PTPN12: variants seen among roughly 807,000 people sequenced by gnomAD.
The protein encoded by PTPN12 is tyrosine-protein phosphatase non-receptor type 12.
In PTPN12, 29 loss-of-function variants were observed where a neutral mutation model predicts 97.6. That is an observed-to-expected ratio of 0.30 (90% CI 0.22 to 0.41). PTPN12 has a LOEUF of 0.41. PTPN12 is among the 10% of genes least tolerant of loss of function. The pLI is 1.00. For missense variants in PTPN12, 819 were observed against 926.0 expected (o/e 0.88, Z 1.50); for synonymous variants, 327 against 300.4 (o/e 1.09, Z -0.91).
intron 1 of PTPN12, among the ~76,000 whole-genome samples, chr7:77,553,874 T>G (rs1158031324): frequency 6.6e-6 from 1 of 151,466 alleles, no homozygotes. Flanking sequence ...TCTTCCACTG[T>G]TTTTCTGCCT....
At position 77,609,896 on chromosome 7, in the gene PTPN12, A is replaced by AC. The variant is rs1466223576; in HGVS notation, c.763-869_763-868insC. Reference sequence around the variant, plus strand: ...ACTCCGTCTCAAAAAAAAAACAACAAAAAAAAAACCCAAAAATCTTATGAT... The same window carrying AC: ...ACTCCGTCTCAAAAAAAAAACAACAACAAAAAAAACCCAAAAATCTTATGAT... On this transcript the variant is annotated intron_variant, in intron 9 of 17. Coordinates refer to ENST00000248594, the MANE Select transcript of PTPN12 (RefSeq NM_002835.4). Among the ~76,000 whole-genome samples the AC allele has an allele frequency of 8.0e-4, 121 of 151,216 alleles. 1 individual carries two copies. The highest frequency in any genetic ancestry group is 6.1e-3 in the East Asian group (31 of 5,108).
chr7:77,572,570 G>C (rs1787182271), intron 2 of PTPN12, among the ~76,000 whole-genome samples: 1 of 151,768 alleles, frequency 6.6e-6, no homozygotes, highest in African/African-American at 2.4e-5. Flanking sequence ...ATCAGCTGTG[G>C]GATATGTGGA....
At chr7:77,601,660 G>C (rs1788191681) in intron 8 of PTPN12, among the ~76,000 whole-genome samples, 1 of 152,104 alleles carries the variant, frequency 6.6e-6, no homozygotes. Context: ...AGAAGCCATT[G>C]GTGGTAAGAT....
chr7:77,552,883 T>C (rs1330347634), intron 1 of PTPN12, among the ~76,000 whole-genome samples: 2 of 152,138 alleles, frequency 1.3e-5, no homozygotes, highest in African/African-American at 4.8e-5. Flanking sequence ...TAGTTTGTAA[T>C]GTTTGAATTA....
chr7:77,622,000 T>G (rs1476667933), intron 12 of PTPN12, among the ~76,000 whole-genome samples: 4 of 152,226 alleles, frequency 2.6e-5, no homozygotes, highest in Non-Finnish European at 5.9e-5. Flanking sequence ...CCTTGCTCTT[T>G]TGCGCAGGCT....
chr7:77,545,901 C>G (rs1164254258), intron 1 of PTPN12: 1 of 152,024 alleles, frequency 6.6e-6, no homozygotes, highest in African/African-American at 2.4e-5. Flanking sequence ...GTTGAACATA[C>G]TTTTTCCCTC....
At chr7:77,560,756 T>C (rs1324536177) in intron 1 of PTPN12, among the ~76,000 whole-genome samples, 2 of 152,354 alleles carry the variant, frequency 1.3e-5, no homozygotes, top group Admixed American at 6.5e-5. Context: ...TGAAAAATAC[T>C]GCATTGTATG....
intron 2 of PTPN12, among the ~76,000 whole-genome samples, chr7:77,571,781 C>T (rs577451797): frequency 3.4e-4 from 52 of 152,102 alleles, no homozygotes; most frequent in African/African-American, 1.3e-3. Flanking sequence ...TGGTCTCAAA[C>T]TCCTGAGCTC....
intron 12 of PTPN12, among the ~76,000 whole-genome samples, chr7:77,620,792 A>T (rs1236781269): frequency 1.3e-5 from 2 of 152,096 alleles, no homozygotes; most frequent in African/African-American, 4.8e-5. Flanking sequence ...TACTAAAAAT[A>T]GAAAAATTAG....
chr7:77,583,803 G>C, intron 4 of PTPN12, 153 bp downstream of exon 4: 2 of 482,340 alleles, frequency 4.1e-6, no homozygotes, highest in African/African-American at 4.0e-5. Flanking sequence ...CCATTTTTAG[G>C]ATGTCTCATT....
intron 7 of PTPN12, 41 bp from the exon 8 acceptor site, chr7:77,600,623 A>G (rs1788160386): frequency 6.5e-7 from 1 of 1,529,274 alleles, no homozygotes; most frequent in Non-Finnish European, 8.8e-7. Context: ...TAAACTTTGC[A>G]AAGTATTTTC....
At chr7:77,572,536 A>G (rs1787180448) in intron 2 of PTPN12, among the ~76,000 whole-genome samples, 1 of 140,042 alleles carries the variant, frequency 7.1e-6, no homozygotes, top group South Asian at 2.3e-4. Flanking sequence ...TTAATCCTTC[A>G]TCCTTTTGTT....
At chr7:77,537,978 C>CGGGGGG in intron 1 of PTPN12, 1 of 767,426 alleles carries the variant, frequency 1.3e-6, no homozygotes, top group Non-Finnish European at 1.6e-6. Flanking sequence ...AGGTGCAGGC[C>CGGGGGG]GGGGGGGGGG....
intron 15 of PTPN12, among the ~76,000 whole-genome samples, chr7:77,636,540 C>T (rs1384981666): frequency 6.6e-6 from 1 of 152,112 alleles, no homozygotes; most frequent in Non-Finnish European, 1.5e-5. Context: ...CATGATCACA[C>T]CACTGCACTC....
At chr7:77,623,390 G>T (rs891230730) in intron 12 of PTPN12, among the ~76,000 whole-genome samples, 3 of 152,210 alleles carry the variant, frequency 2.0e-5, no homozygotes, top group Non-Finnish European at 2.9e-5. Flanking sequence ...GATATATGGG[G>T]TTTGTTAATC....
At chr7:77,573,909 C>T (rs1208828701) in intron 2 of PTPN12, among the ~76,000 whole-genome samples, 1 of 152,132 alleles carries the variant, frequency 6.6e-6, no homozygotes, top group Non-Finnish European at 1.5e-5. Flanking sequence ...TACAGGCACC[C>T]GCTGCCACAT....
intron 1 of PTPN12, chr7:77,538,040 G>A: frequency 2.0e-6 from 2 of 1,008,810 alleles, no homozygotes; most frequent in Non-Finnish European, 2.4e-6. Flanking sequence ...GGAGGGTCGA[G>A]GCAAGGTATC....
At chr7:77,637,092 T>A in intron 16 of PTPN12, 44 bp downstream of exon 16, 1 of 1,438,386 alleles carries the variant, frequency 7.0e-7, no homozygotes, top group Non-Finnish European at 9.7e-7. Context: ...GTAGATTTTA[T>A]TGATTAATTT....
Position 77,640,035 on chromosome 7 carries a change from A to G in PTPN12, c.*755A>G, listed in dbSNP as rs1356920375. The stretch of plus-strand genomic sequence containing the variant: ...ATACATGTATGTTTCAGGATATTTG[A>G]CCTGTCATTAAAAAAAACAAACAGT... On this transcript the variant is annotated 3_prime_UTR_variant, in exon 18 of 18. Coordinates refer to ENST00000248594, the MANE Select transcript of PTPN12 (RefSeq NM_002835.4). 1 of 152,102 alleles carries G rather than the reference A, an allele frequency of 6.6e-6. No individual in the cohort carries two copies. The highest frequency in any genetic ancestry group is 1.5e-5 in the Non-Finnish European group (1 of 67,962). 9.4% of individuals were successfully genotyped at this position (152,102 alleles called of 1,614,324 possible).
Sources: allele counts gnomAD v4.1 joint callset (sites outside exome capture counted in the v4.1 genomes callset), GRCh38; gene constraint gnomAD v4.1.1; transcripts MANE v1.5; gene names NCBI Gene and HGNC (gene_info 2026-07-23, HGNC 2026-07-21).